Variants in ANP32B observed in about 807,000 individuals in gnomAD.
The protein encoded by ANP32B is acidic nuclear phosphoprotein 32 family member B.
Under a neutral mutation model 32.2 loss-of-function variants are expected in ANP32B, and 6 were observed. The observed-to-expected ratio is 0.19, with a 90% CI of 0.10 to 0.37. The LOEUF is 0.37. Ranked by LOEUF, ANP32B falls within the 10% of genes least tolerant of loss-of-function variation. The pLI, the probability that ANP32B is intolerant of heterozygous loss-of-function variation, is 1.00. For synonymous variants in ANP32B, 98 were observed against 105.8 expected (o/e 0.93, Z 0.45); for missense variants, 204 against 289.2 (o/e 0.71, Z 2.14).
intron 5 of ANP32B, among the ~76,000 whole-genome samples, chr9:98,011,844 G>A (rs780500361): frequency 1.1e-4 from 16 of 152,188 alleles, no homozygotes; most frequent in Non-Finnish European, 1.6e-4. Context: ...GTCCTGCCCT[G>A]AAAGAGCACA....
intron 1 of ANP32B, chr9:97,984,697 G>C (rs1323264659): frequency 2.7e-5 from 4 of 150,742 alleles, no homozygotes; most frequent in African/African-American, 9.7e-5. Flanking sequence ...CCCTCGGTCT[G>C]TTTCCCCCCG....
At chr9:97,995,954 A>G (rs954891284) in intron 2 of ANP32B, among the ~76,000 whole-genome samples, 3 of 150,262 alleles carry the variant, frequency 2.0e-5, no homozygotes, top group African/African-American at 7.3e-5. Flanking sequence ...AAAAAAAAGT[A>G]TAATACATGA....
chr9:97,984,024 G>A (rs1827651115), intron 1 of ANP32B, among the ~76,000 whole-genome samples: 1 of 150,028 alleles, frequency 6.7e-6, no homozygotes, highest in South Asian at 2.1e-4. Flanking sequence ...ATCCCCGCCT[G>A]GGCCAGGCCG....
intron 2 of ANP32B, among the ~76,000 whole-genome samples, chr9:97,995,584 T>G (rs1009460892): frequency 2.6e-5 from 4 of 152,084 alleles, no homozygotes; most frequent in African/African-American, 9.7e-5. Context: ...TATTGGGGTT[T>G]GTTTGTTTGT....
chr9:97,984,336 A>C (rs868788594), intron 1 of ANP32B, among the ~76,000 whole-genome samples: 4 of 151,326 alleles, frequency 2.6e-5, no homozygotes, highest in Middle Eastern at 3.4e-3. Flanking sequence ...TTTCAAGCCC[A>C]AAAATAAAAC....
At chr9:97,987,635 T>A (rs1365490484) in intron 1 of ANP32B, 1 of 152,236 alleles carries the variant, frequency 6.6e-6, no homozygotes, top group East Asian at 1.9e-4. Flanking sequence ...CTCTGAGTTT[T>A]TCATTCAAAG....
intron 4 of ANP32B, among the ~76,000 whole-genome samples, chr9:98,006,830 A>G (rs1442337871): frequency 6.6e-6 from 1 of 152,088 alleles, no homozygotes; most frequent in African/African-American, 2.4e-5. Flanking sequence ...CTCTGCAAAA[A>G]TACAAAAATT....
chr9:97,999,999 AT>A (rs1464403393), intron 3 of ANP32B, among the ~76,000 whole-genome samples: 1 of 152,242 alleles, frequency 6.6e-6, no homozygotes, highest in Non-Finnish European at 1.5e-5. Context: ...TGCTCTGTTG[AT>A]ACTTGAGGGG....
chr9:97,983,899 A>G (rs1827646869), intron 1 of ANP32B, among the ~76,000 whole-genome samples: 1 of 151,750 alleles, frequency 6.6e-6, no homozygotes, highest in Admixed American at 6.6e-5. Flanking sequence ...CGCGTGTGCA[A>G]GTGGCCGGCG....
intron 3 of ANP32B, among the ~76,000 whole-genome samples, chr9:97,999,325 G>C (rs184224041): frequency 1.3e-5 from 2 of 152,096 alleles, no homozygotes; most frequent in Admixed American, 1.3e-4. Flanking sequence ...TTTTTCTTCA[G>C]ACTGGCCAAG....
chr9:97,986,200 T>C (rs1166869375), intron 1 of ANP32B, among the ~76,000 whole-genome samples: 2 of 152,242 alleles, frequency 1.3e-5, no homozygotes, highest in Non-Finnish European at 2.9e-5. Flanking sequence ...AATTAAAACA[T>C]TTTCTCTGTA....
chr9:98,007,876 C>T (rs1828113535), intron 4 of ANP32B, among the ~76,000 whole-genome samples: 1 of 152,162 alleles, frequency 6.6e-6, no homozygotes, highest in Non-Finnish European at 1.5e-5. Context: ...TTCTCTTACA[C>T]AGAGAAGCGA....
At position 98,011,332 on chromosome 9, in the gene ANP32B, A is replaced by T. The variant is rs1000014447; in HGVS notation, c.579A>T (p.Glu193Asp). ...EDGEEEEFDE[E>D]DDEDEDVEGD... ...GTGAAGAAGAGGAGTTTGATGAAGA[A>T]GATGATGAAGATGAAGATGTAGAAG... The change falls in exon 5 of 7, where the codon GAA becomes GAT. Residue 193 changes from glutamate (E) to aspartate (D), a missense_variant. By Grantham distance (45) the Glu-to-Asp change is conservative. Coordinates refer to ENST00000339399, the MANE Select transcript of ANP32B (RefSeq NM_006401.3). 1.5e-5 allele frequency: 24 copies of T among 1,550,176 alleles called. No homozygotes were observed. The East Asian group carries it at 2.2e-4, about 14-fold the overall frequency.
At chr9:97,997,340 T>G (rs1254913950) in intron 2 of ANP32B, among the ~76,000 whole-genome samples, 2 of 152,252 alleles carry the variant, frequency 1.3e-5, no homozygotes. Flanking sequence ...GCAGCTGACC[T>G]GTTTTTTTAA....
chr9:97,997,472 T>TA (rs1234277391), intron 2 of ANP32B, among the ~76,000 whole-genome samples: 1 of 152,190 alleles, frequency 6.6e-6, no homozygotes, highest in East Asian at 1.9e-4. Context: ...GTACGTAGCA[T>TA]AATAATGAGG....
intron 2 of ANP32B, among the ~76,000 whole-genome samples, chr9:97,997,628 A>G (rs1401537241): frequency 6.6e-6 from 1 of 152,262 alleles, no homozygotes; most frequent in South Asian, 2.1e-4. Context: ...TTGTGAGATC[A>G]GATGAGTTAA....
At chr9:97,991,890 C>G (rs1366678892) in intron 1 of ANP32B, among the ~76,000 whole-genome samples, 1 of 152,200 alleles carries the variant, frequency 6.6e-6, no homozygotes, top group Non-Finnish European at 1.5e-5. Flanking sequence ...ACTCTGTGAT[C>G]AGAAAGTTGG....
intron 1 of ANP32B, 127 bp downstream of exon 1, chr9:97,983,736 C>A (rs1021061331): frequency 4.4e-5 from 29 of 656,092 alleles, no homozygotes; most frequent in Non-Finnish European, 6.1e-5. Context: ...TGGGCTCGGA[C>A]GGGGAAGGCG....
intron 1 of ANP32B, among the ~76,000 whole-genome samples, chr9:97,992,052 T>C (rs951684219): frequency 7.2e-5 from 11 of 152,192 alleles, no homozygotes; most frequent in Admixed American, 1.3e-4. Context: ...AGAATATACA[T>C]GATCCTGTCA....
Sources: allele counts gnomAD v4.1 joint callset (sites outside exome capture counted in the v4.1 genomes callset), GRCh38; gene constraint gnomAD v4.1.1; transcripts MANE v1.5; gene names NCBI Gene and HGNC (gene_info 2026-07-23, HGNC 2026-07-21).